The following TAAR5 variants were observed in gnomAD, a reference collection of about 807,000 sequenced individuals.
The protein encoded by TAAR5 is trace amine-associated receptor 5.
Under a neutral mutation model 21.1 loss-of-function variants are expected in TAAR5, and 27 were observed. The ratio of observed to expected loss-of-function variants is 1.28; its 90% CI spans 0.94 to 1.76. The LOEUF is 1.76. Ranked by LOEUF, TAAR5 falls within the 40% of genes most tolerant of loss-of-function variation. The pLI is 0.00. For synonymous variants in TAAR5, 203 were observed against 167.5 expected, an observed-to-expected ratio of 1.21 and a Z score of -1.64; for missense variants, 495 against 405.6, an observed-to-expected ratio of 1.22 and a Z score of -1.89.
chr6:132,604,401 C>T, the TAAR5 span, among the ~76,000 whole-genome samples: 5 of 152,006 alleles, frequency 3.3e-5, no homozygotes, highest in African/African-American at 1.2e-4. Flanking sequence ...TCTCAGCCTC[C>T]CAAAATGCTG....
chr6:132,592,470 A>G (rs6908639), upstream of TAAR5, among the ~76,000 whole-genome samples: 8,260 of 152,278 alleles, frequency 0.054, 447 homozygotes, highest in African/African-American at 0.14. Context: ...ATAATTCTTG[A>G]TTCCTCAAAA....
chr6:132,601,068 GGAA>G, the TAAR5 span, among the ~76,000 whole-genome samples: 1 of 139,256 alleles, frequency 7.2e-6, no homozygotes, highest in African/African-American at 2.6e-5. Context: ...AGGGAAAGAA[GGAA>G]GGAAGGAGGG....
the TAAR5 span, among the ~76,000 whole-genome samples, chr6:132,599,323 CTTTTTTTTTTTTTTTTTT>C: frequency 1.0e-5 from 1 of 98,492 alleles, no homozygotes; most frequent in South Asian, 3.4e-4. Flanking sequence ...CTTTTCTTTT[CTTTTTTTTTTTTTTTTTT>C]TTTTTTTTGA....
chr6:132,603,698 A>G, the TAAR5 span, among the ~76,000 whole-genome samples: 2 of 152,194 alleles, frequency 1.3e-5, no homozygotes, highest in Non-Finnish European at 1.5e-5. Context: ...GGAAAGGCAC[A>G]AGAGAAGTTT....
the TAAR5 span, among the ~76,000 whole-genome samples, chr6:132,602,847 T>TA: frequency 0.34 from 50,164 of 146,524 alleles, 8,814 homozygotes; most frequent in African/African-American, 0.4. Flanking sequence ...GGCTATGGAT[T>TA]AAAAAAAAAA....
At chr6:132,615,877 AACACACACACACAC>A in the TAAR5 span, among the ~76,000 whole-genome samples, 10 of 145,138 alleles carry the variant, frequency 6.9e-5, no homozygotes, top group East Asian at 1.6e-3. Context: ...ACCATGTATA[AACACACACACACAC>A]ACACACACAC....
At chr6:132,606,353 A>G in the TAAR5 span, among the ~76,000 whole-genome samples, 1 of 152,228 alleles carries the variant, frequency 6.6e-6, no homozygotes, top group African/African-American at 2.4e-5. Context: ...AGCCACAAGT[A>G]GAAGGACCAG....
chr6:132,605,919 T>C, the TAAR5 span, among the ~76,000 whole-genome samples: 3 of 152,046 alleles, frequency 2.0e-5, no homozygotes, highest in African/African-American at 7.3e-5. Context: ...TGGAAGACTA[T>C]ACAGCCATCA....
chr6:132,614,726 G>A, the TAAR5 span, among the ~76,000 whole-genome samples: 23,633 of 152,130 alleles, frequency 0.16, 4,625 homozygotes, highest in African/African-American at 0.46. Context: ...GAGAATTGGA[G>A]TAGAGAACTC....
At chr6:132,608,871 A>G in the TAAR5 span, 1 of 456,034 alleles carries the variant, frequency 2.2e-6, no homozygotes. Context: ...TGTAATGTAA[A>G]GGGTAACACA....
chr6:132,611,919 T>C, the TAAR5 span, among the ~76,000 whole-genome samples: 1 of 152,220 alleles, frequency 6.6e-6, no homozygotes, highest in South Asian at 2.1e-4. Context: ...ACACAGTTTT[T>C]AGAGTTTTGA....
the TAAR5 span, chr6:132,608,951 AG>A: frequency 2.2e-6 from 1 of 455,964 alleles, no homozygotes; most frequent in Non-Finnish European, 4.4e-6. Flanking sequence ...ATCATGTCAA[AG>A]CTTGTGTGGA....
upstream of TAAR5, among the ~76,000 whole-genome samples, chr6:132,592,409 C>G (rs970005985): frequency 3.3e-5 from 5 of 152,338 alleles, no homozygotes; most frequent in South Asian, 8.3e-4. Context: ...CTTTCTATAG[C>G]CTGTTGTCTA....
chr6:132,600,819 GGGAGGGAAGGAA>G, the TAAR5 span, among the ~76,000 whole-genome samples: 1 of 75,314 alleles, frequency 1.3e-5, no homozygotes, highest in Admixed American at 1.5e-4. Context: ...GAAGGAAGGA[GGGAGGGAAGGAA>G]GGAAGGAGGG....
chr6:132,615,277 G>T, the TAAR5 span, among the ~76,000 whole-genome samples: 1 of 152,066 alleles, frequency 6.6e-6, no homozygotes, highest in South Asian at 2.1e-4. Flanking sequence ...CAGGTTTGTG[G>T]GCTCAATTAA....
chr6:132,613,074 A>G, the TAAR5 span, among the ~76,000 whole-genome samples: 12 of 152,188 alleles, frequency 7.9e-5, no homozygotes, highest in African/African-American at 2.7e-4. Flanking sequence ...CATAAGGGAA[A>G]ATTCATATAC....
chr6:132,609,603 A>G, the TAAR5 span, among the ~76,000 whole-genome samples: 3 of 151,910 alleles, frequency 2.0e-5, no homozygotes, highest in Non-Finnish European at 2.9e-5. Flanking sequence ...TGGTAAGGAA[A>G]TGGGAGATTT....
At chr6:132,612,422 A>C in the TAAR5 span, among the ~76,000 whole-genome samples, 3 of 152,192 alleles carry the variant, frequency 2.0e-5, no homozygotes, top group Admixed American at 6.6e-5. Context: ...ACACTTCATG[A>C]AAATTTCTTC....
At chr6:132,614,268 C>A in the TAAR5 span, among the ~76,000 whole-genome samples, 5 of 152,100 alleles carry the variant, frequency 3.3e-5, no homozygotes, top group African/African-American at 1.2e-4. Flanking sequence ...GTTGAAATAC[C>A]TAACTACATT....
Sources: allele counts gnomAD v4.1 joint callset (sites outside exome capture counted in the v4.1 genomes callset), GRCh38; gene constraint gnomAD v4.1.1; transcripts MANE v1.5; gene names NCBI Gene and HGNC (gene_info 2026-07-23, HGNC 2026-07-21).